The following STOX1 variants were observed in gnomAD, a reference collection of about 807,000 sequenced individuals.
STOX1 encodes storkhead box 1.
In STOX1, 57 loss-of-function variants were observed where a neutral mutation model predicts 74.8. The ratio of observed to expected loss-of-function variants is 0.76; its 90% CI spans 0.62 to 0.95. The LOEUF (loss-of-function observed/expected upper bound fraction) is 0.95. Among genes scored for constraint, STOX1 ranks in the 40% least tolerant of loss-of-function variants. The pLI is 0.00. For synonymous variants in STOX1, 375 were observed against 401.3 expected (o/e 0.93, Z 0.78); for missense variants, 1,010 against 1,117.0 (o/e 0.90, Z 1.37).
intron 1 of STOX1, among the ~76,000 whole-genome samples, chr10:68,833,080 GTTTTTTT>G (rs1185911507): frequency 9.6e-6 from 1 of 104,630 alleles, no homozygotes; most frequent in Non-Finnish European, 1.8e-5. Context: ...ACTTCTGTGG[GTTTTTTT>G]TTTTTTTTTT....
intron 1 of STOX1, among the ~76,000 whole-genome samples, chr10:68,855,764 CAAA>C (rs770484086): frequency 6.8e-6 from 1 of 147,834 alleles, no homozygotes; most frequent in East Asian, 1.9e-4. Flanking sequence ...AAAAAAAAAA[CAAA>C]AAAAGACTCT....
chr10:68,844,294 C>CTT lies in STOX1; in HGVS notation c.310+16381_310+16382dup, dbSNP rs777175392. 8.2e-3 allele frequency among the ~76,000 whole-genome samples: 859 copies of CTT among 104,600 alleles called. 20 individuals are homozygous for CTT. The highest frequency in any genetic ancestry group is 0.014 in the Middle Eastern group (2 of 148). 68.6% of individuals were successfully genotyped at this position (104,600 alleles called of 152,430 possible). A position where few individuals can be genotyped will look rare whatever the true frequency, so the allele number is the denominator to read the frequency against. On this transcript the variant is annotated intron_variant, in intron 1 of 3. Coordinates refer to ENST00000298596, the MANE Select transcript of STOX1 (RefSeq NM_152709.5). ...TGCTTGTTTGCTATGTCTGGATCTT[C>CTT]TTTTTTTTTTTTTTTTTTTTTGAGA... is the stretch of plus-strand genomic sequence containing the variant.
At chr10:68,870,111 A>C (rs1840502026) in intron 1 of STOX1, among the ~76,000 whole-genome samples, 1 of 152,238 alleles carries the variant, frequency 6.6e-6, no homozygotes, top group African/African-American at 2.4e-5. Flanking sequence ...TTATTCAAAC[A>C]ACCACCTTTG....
intron 1 of STOX1, among the ~76,000 whole-genome samples, chr10:68,876,258 A>G (rs1840675401): frequency 6.6e-6 from 1 of 151,736 alleles, no homozygotes; most frequent in Non-Finnish European, 1.5e-5. Flanking sequence ...TCCGGGTTCA[A>G]ATGATTCTCC....
intron 1 of STOX1, among the ~76,000 whole-genome samples, chr10:68,856,535 C>G (rs1433063777): frequency 1.3e-5 from 2 of 152,092 alleles, no homozygotes; most frequent in African/African-American, 4.8e-5. Flanking sequence ...ACATTCAAAT[C>G]TCTCCCCTAC....
chr10:68,880,050 C>T (rs1016023395), intron 1 of STOX1, among the ~76,000 whole-genome samples: 5 of 152,152 alleles, frequency 3.3e-5, no homozygotes, highest in Admixed American at 6.5e-5. Context: ...AGTTGAGAAA[C>T]GCTGCTCTAC....
At chr10:68,864,204 G>C (rs553835426) in intron 1 of STOX1, among the ~76,000 whole-genome samples, 1 of 152,234 alleles carries the variant, frequency 6.6e-6, no homozygotes, top group African/African-American at 2.4e-5. Context: ...GATTACAGGC[G>C]TGAGCCACCG....
In STOX1 at chr10:68,892,553, C is replaced by T. The variant is rs182025494; in HGVS notation, c.2823-36C>T. ...CTTGGTTAGAAATTCAAGTTCCCTT[C>T]GAAGCCAATAATTCTGTTATTTTTA... On this transcript the variant is annotated intron_variant, in intron 3 of 3. Transcript: ENST00000298596. 1.5e-4 allele frequency: 243 copies of T among 1,604,758 alleles called. 1 individual carries two copies. The highest frequency in any genetic ancestry group is 2.2e-4 in the Admixed American group (13 of 59,972).
At position 68,885,085 on chromosome 10, in the gene STOX1, G is replaced by C; in HGVS notation, c.1289G>C (p.Arg430Thr). The C allele has an allele frequency of 1.2e-6, 2 of 1,613,774 alleles. No homozygotes were observed. Among genetic ancestry groups the C allele is most frequent in the Non-Finnish European group, 1.7e-6 (2 of 1,179,864 alleles). Reference protein sequence around the residue: ...AKPQGQGHSRRDRHKARNQGS... With the variant: ...AKPQGQGHSRTDRHKARNQGS... ...CCTCAAGGGCAGGGCCATTCTCGAA[G>C]GGATAGACACAAAGCCAGGAATCAG... The change falls in exon 3 of 4, where the codon AGG (arginine) becomes ACG (threonine). Residue 430 changes from arginine to threonine, a missense_variant. Coordinates refer to ENST00000298596, the MANE Select transcript of STOX1 (RefSeq NM_152709.5).
At chr10:68,852,749 AT>A (rs928740304) in intron 1 of STOX1, among the ~76,000 whole-genome samples, 3 of 145,840 alleles carry the variant, frequency 2.1e-5, no homozygotes, top group Admixed American at 6.8e-5. Flanking sequence ...TGCCTGGCTA[AT>A]TTTTTTTTTG....
chr10:68,868,144 G>A (rs1466388124), intron 1 of STOX1, among the ~76,000 whole-genome samples: 1 of 152,240 alleles, frequency 6.6e-6, no homozygotes, highest in Non-Finnish European at 1.5e-5. Flanking sequence ...TAGCTTGGTT[G>A]TGGAGATCCC....
intron 1 of STOX1, among the ~76,000 whole-genome samples, chr10:68,880,985 C>T (rs4745968): frequency 0.58 from 87,731 of 152,078 alleles, 26,441 homozygotes; most frequent in East Asian, 0.89. Context: ...TGAGCCACCA[C>T]ATCTGGTCCC....
Position 68,884,475 on chromosome 10 carries a change from TGTGCAGA to T in STOX1, c.682_688del (p.Ala228GlnfsTer35), listed in dbSNP as rs1330408090. On this transcript the variant is annotated frameshift_variant, in exon 3 of 4. Coordinates refer to ENST00000298596, the MANE Select transcript of STOX1 (RefSeq NM_152709.5). LOFTEE classifies it high-confidence loss of function. ...GACATATCTGGTGAGCATGGAGAGC[TGTGCAGA>T]GTCAGCCCAAGAGAATGCTGCCCCC... 18 of 1,613,734 alleles carry T rather than the reference TGTGCAGA, an allele frequency of 1.1e-5. No individual in the cohort carries two copies. The highest frequency in any genetic ancestry group is 3.3e-5 in the Admixed American group (2 of 59,994).
At chr10:68,852,172 T>A (rs1840002194) in intron 1 of STOX1, among the ~76,000 whole-genome samples, 1 of 151,754 alleles carries the variant, frequency 6.6e-6, no homozygotes, top group Admixed American at 6.6e-5. Context: ...TCTTCTGACC[T>A]CTGTTGTTTC....
At chr10:68,857,854 G>A (rs1840165856) in intron 1 of STOX1, among the ~76,000 whole-genome samples, 2 of 152,118 alleles carry the variant, frequency 1.3e-5, no homozygotes, top group Admixed American at 6.5e-5. Context: ...GGTTGGTGAA[G>A]GGAGCTTCAG....
At chr10:68,833,097 T>C (rs1839452917) in intron 1 of STOX1, among the ~76,000 whole-genome samples, 1 of 146,996 alleles carries the variant, frequency 6.8e-6, no homozygotes, top group Non-Finnish European at 1.5e-5. Flanking sequence ...TTTTTTTTTT[T>C]TTTTTTGAGA....
At chr10:68,880,956 A>C (rs1352483776) in intron 1 of STOX1, among the ~76,000 whole-genome samples, 1 of 152,112 alleles carries the variant, frequency 6.6e-6, no homozygotes, top group Non-Finnish European at 1.5e-5. Context: ...GGCCTCCCAA[A>C]ATACTGGGAT....
intron 3 of STOX1, among the ~76,000 whole-genome samples, chr10:68,891,823 A>T (rs1250814983): frequency 1.2e-4 from 17 of 145,340 alleles, no homozygotes; most frequent in Non-Finnish European, 2.1e-4. Context: ...AAGCAAAAAT[A>T]CTTTTTTTGT....
At chr10:68,875,965 G>C (rs1389784117) in intron 1 of STOX1, among the ~76,000 whole-genome samples, 11 of 152,014 alleles carry the variant, frequency 7.2e-5, no homozygotes, top group African/African-American at 2.4e-4. Context: ...GCATCCACAT[G>C]CTACATTTAA....
Sources: allele counts gnomAD v4.1 joint callset (sites outside exome capture counted in the v4.1 genomes callset), GRCh38; gene constraint gnomAD v4.1.1; transcripts MANE v1.5; gene names NCBI Gene and HGNC (gene_info 2026-07-23, HGNC 2026-07-21).